Variants in KCNK13 observed in about 807,000 individuals in gnomAD.
The protein encoded by KCNK13 is potassium two pore domain channel subfamily K member 13, also known as potassium channel subfamily K member 13.
In KCNK13, 12 loss-of-function variants were observed where a neutral mutation model predicts 23.4. That is an observed-to-expected ratio of 0.51 (90% CI 0.33 to 0.83). The LOEUF is 0.83. KCNK13 is among the 40% of genes least tolerant of loss of function. KCNK13 has a pLI of 0.02. For synonymous variants in KCNK13, 231 were observed against 229.5 expected, an observed-to-expected ratio of 1.01 and a Z score of -0.06; for missense variants, 463 against 556.3, an observed-to-expected ratio of 0.83 and a Z score of 1.69.
At chr14:90,133,994 A>G (rs1482846151) in intron 1 of KCNK13, among the ~76,000 whole-genome samples, 1 of 152,148 alleles carries the variant, frequency 6.6e-6, no homozygotes, top group Non-Finnish European at 1.5e-5. Context: ...GGCACCAATT[A>G]TGTGTATCAA....
intron 1 of KCNK13, among the ~76,000 whole-genome samples, chr14:90,106,850 C>T (rs748638252): frequency 7.9e-5 from 12 of 151,698 alleles, no homozygotes; most frequent in Non-Finnish European, 1.5e-4. Context: ...GGCGAAACCC[C>T]GTCTCTACTA....
At chr14:90,103,302 G>C (rs574614400) in intron 1 of KCNK13, among the ~76,000 whole-genome samples, 1 of 152,244 alleles carries the variant, frequency 6.6e-6, no homozygotes, top group African/African-American at 2.4e-5. Context: ...ATATACCTAG[G>C]AATAGGATTT....
chr14:90,156,532 A>T (rs1003251466), intron 1 of KCNK13, among the ~76,000 whole-genome samples: 16 of 152,208 alleles, frequency 1.1e-4, no homozygotes, highest in African/African-American at 3.6e-4. Context: ...ATTCTCTGTG[A>T]ATACTAAAGC....
intron 1 of KCNK13, among the ~76,000 whole-genome samples, chr14:90,064,416 A>C (rs1888984073): frequency 6.6e-6 from 1 of 152,042 alleles, no homozygotes; most frequent in African/African-American, 2.4e-5. Context: ...TGAGAGTGGC[A>C]TGGGTAGGTG....
chr14:90,112,311 C>T (rs1369267016), intron 1 of KCNK13, among the ~76,000 whole-genome samples: 1 of 152,188 alleles, frequency 6.6e-6, no homozygotes, highest in Non-Finnish European at 1.5e-5. Context: ...ATTTCACTCA[C>T]TTGACTCATC....
intron 1 of KCNK13, among the ~76,000 whole-genome samples, chr14:90,169,457 C>T (rs560375813): frequency 1.3e-5 from 2 of 152,312 alleles, no homozygotes; most frequent in East Asian, 1.9e-4. Flanking sequence ...TTGAAACCTA[C>T]GGAATACTCA....
chr14:90,169,095 C>T (rs1386398746), intron 1 of KCNK13, among the ~76,000 whole-genome samples: 1 of 152,132 alleles, frequency 6.6e-6, no homozygotes, highest in Non-Finnish European at 1.5e-5. Context: ...AGCGTGAGAA[C>T]AGACTAATAA....
rs768523004 is a variant in KCNK13 at position 90,184,665 on chromosome 14, G to T, written c.889G>T (p.Gly297Trp). ...LNWILRKMDS[G>W]CCPQCQRGLL... is the part of the protein sequence containing the mutation. ...CTGGATCCTGAGGAAAATGGACAGCGGGTGCTGCCCGCAATGCCAGAGAGG... is the reference window on the plus strand; with the variant it reads ...CTGGATCCTGAGGAAAATGGACAGCTGGTGCTGCCCGCAATGCCAGAGAGG... The change falls in exon 2 of 2, where the codon GGG (glycine) becomes TGG (tryptophan). Residue 297 changes from glycine (G) to tryptophan (W), a missense_variant. This residue lies in a region of KCNK13 where 166 missense variants were observed against 178.8 expected (regional missense o/e 0.93). Coordinates refer to ENST00000282146, the MANE Select transcript of KCNK13 (RefSeq NM_022054.4). This position sits in a 1 kb window ranked among gnomAD's most constrained non-coding sequence, Gnocchi z 5.6. 20 of 1,614,230 alleles carry T rather than the reference G, an allele frequency of 1.2e-5. No individual in the cohort carries two copies. The highest frequency in any genetic ancestry group is 1.7e-5 in the Non-Finnish European group (20 of 1,180,046).
intron 1 of KCNK13, among the ~76,000 whole-genome samples, chr14:90,127,817 T>TAAAA (rs35453411): frequency 1.6e-4 from 14 of 85,128 alleles, no homozygotes; most frequent in African/African-American, 4.9e-4. Context: ...AGATGCTATC[T>TAAAA]AAAAAAAAAA....
At chr14:90,125,613 ACACACACACACACGCG>A (rs1889789507) in intron 1 of KCNK13, among the ~76,000 whole-genome samples, 1 of 61,966 alleles carries the variant, frequency 1.6e-5, no homozygotes. Flanking sequence ...ACACACACAC[ACACACACACACACGCG>A]CACACACACA....
At chr14:90,130,916 T>C (rs1465984883) in intron 1 of KCNK13, among the ~76,000 whole-genome samples, 3 of 152,206 alleles carry the variant, frequency 2.0e-5, no homozygotes, top group African/African-American at 7.2e-5. Flanking sequence ...GGGAACCGTA[T>C]CAGCTTTCGT....
chr14:90,180,459 C>T (rs1374987077), intron 1 of KCNK13, among the ~76,000 whole-genome samples: 1 of 152,138 alleles, frequency 6.6e-6, no homozygotes, highest in Admixed American at 6.5e-5. Context: ...AGTAGTAAAA[C>T]CACCTCTCAC....
chr14:90,182,197 C>T (rs1322834732), intron 1 of KCNK13, among the ~76,000 whole-genome samples: 1 of 152,180 alleles, frequency 6.6e-6, no homozygotes, highest in Non-Finnish European at 1.5e-5. Context: ...CTGTTAATTT[C>T]TTACCCAAAT....
At chr14:90,135,387 G>A (rs1038058439) in intron 1 of KCNK13, among the ~76,000 whole-genome samples, 2 of 152,226 alleles carry the variant, frequency 1.3e-5, no homozygotes, top group Middle Eastern at 3.2e-3. Flanking sequence ...GGGAGGTGCT[G>A]AGGTTCACCG....
chr14:90,113,949 A>G (rs948321772), intron 1 of KCNK13, among the ~76,000 whole-genome samples: 18 of 152,236 alleles, frequency 1.2e-4, no homozygotes, highest in Admixed American at 2.0e-4. Flanking sequence ...AGAAGAAGAA[A>G]AAAAAAGAAT....
chr14:90,078,281 A>G (rs957905773), intron 1 of KCNK13, among the ~76,000 whole-genome samples: 1 of 152,070 alleles, frequency 6.6e-6, no homozygotes, highest in Non-Finnish European at 1.5e-5. Flanking sequence ...TTAGCTGGGC[A>G]TGGTGGCGCA....
chr14:90,087,622 A>G (rs1889296759), intron 1 of KCNK13, among the ~76,000 whole-genome samples: 1 of 152,196 alleles, frequency 6.6e-6, no homozygotes, highest in Non-Finnish European at 1.5e-5. Flanking sequence ...TCGTTGCTCA[A>G]TCACTGCGCA....
chr14:90,078,417 CAA>C (rs1238686860), intron 1 of KCNK13, among the ~76,000 whole-genome samples: 10 of 60,408 alleles, frequency 1.7e-4, no homozygotes, highest in African/African-American at 2.0e-4. Context: ...AAGACAGTCT[CAA>C]AAAAAAAAAA....
chr14:90,167,512 G>A (rs1237562835), intron 1 of KCNK13, among the ~76,000 whole-genome samples: 1 of 152,162 alleles, frequency 6.6e-6, no homozygotes, highest in Non-Finnish European at 1.5e-5. Flanking sequence ...TAAATGCAGG[G>A]AACTGGATTC....
Sources: gnomAD v4.1 joint callset for allele counts (sites outside exome capture counted in the v4.1 genomes callset) on GRCh38, gnomAD v4.1.1 for gene constraint, gnomAD v4.1.1 regional missense constraint, Gnocchi (gnomAD v3.1) non-coding constraint, MANE v1.5 for transcripts, NCBI Gene and HGNC (gene_info 2026-07-23, HGNC 2026-07-21) for gene names.